The following USP34 variants were observed in gnomAD, a reference collection of about 807,000 sequenced individuals.
USP34 encodes ubiquitin specific peptidase 34, also known as ubiquitin carboxyl-terminal hydrolase 34.
A neutral mutation model predicts 460.3 loss-of-function variants in USP34; 70 were observed. The observed-to-expected ratio is 0.15, with a 90% CI of 0.13 to 0.19. The LOEUF is 0.19. USP34 is among the 10% of genes least tolerant of loss of function. The probability of loss-of-function intolerance (pLI) is 1.00; values close to 1 mark genes in which losing one functional copy is unlikely to be tolerated. For synonymous variants in USP34, 1,647 were observed against 1,405.3 expected, an observed-to-expected ratio of 1.17 and a Z score of -3.85; for missense variants, 3,985 against 4,236.2, an observed-to-expected ratio of 0.94 and a Z score of 1.65.
chr2:61,434,770 G>GGGC (rs1553390577), intron 1 of USP34, among the ~76,000 whole-genome samples: 1 of 150,486 alleles, frequency 6.6e-6, no homozygotes, highest in East Asian at 1.9e-4. Context: ...AAATTGAAAG[G>GGGC]GGGGGGGTTC....
At chr2:61,256,980 A>G in intron 46 of USP34, 30 bp from the exon 47 acceptor site, 1 of 1,438,372 alleles carries the variant, frequency 7.0e-7, no homozygotes. Context: ...AATTAATAAA[A>G]ACTAGTAAAT....
intron 21 of USP34, among the ~76,000 whole-genome samples, chr2:61,320,078 A>C (rs1033556895): frequency 2.6e-5 from 4 of 152,212 alleles, no homozygotes; most frequent in African/African-American, 9.6e-5. Context: ...GTTTAAACAC[A>C]AACAATAACA....
chr2:61,385,054 T>C (rs908217752), intron 5 of USP34, among the ~76,000 whole-genome samples: 2 of 152,136 alleles, frequency 1.3e-5, no homozygotes, highest in African/African-American at 4.8e-5. Flanking sequence ...CACCTATCTA[T>C]ACATACACAC....
chr2:61,423,971 C>T (rs577471194), intron 1 of USP34, among the ~76,000 whole-genome samples: 1 of 152,126 alleles, frequency 6.6e-6, no homozygotes, highest in South Asian at 2.1e-4. Context: ...AAACAAACAA[C>T]AAAATAAATA....
intron 48 of USP34, among the ~76,000 whole-genome samples, chr2:61,251,569 T>C (rs1429099435): frequency 1.3e-5 from 2 of 152,248 alleles, no homozygotes; most frequent in Non-Finnish European, 2.9e-5. Context: ...CCTCTGATTA[T>C]TAGGTAACCA....
chr2:61,349,441 T>C (rs975774042), intron 12 of USP34, among the ~76,000 whole-genome samples, 156 bp from the exon 13 acceptor site: 1 of 151,930 alleles, frequency 6.6e-6, no homozygotes. Context: ...TTGTTGGGGG[T>C]GCCTGCACAG....
chr2:61,376,893 C>T (rs1393785107), intron 8 of USP34, among the ~76,000 whole-genome samples: 2 of 152,254 alleles, frequency 1.3e-5, no homozygotes, highest in South Asian at 2.1e-4. Context: ...ATCTGCCCGC[C>T]TCAGCCTCCC....
At chr2:61,399,006 A>T (rs1022943908) in intron 3 of USP34, among the ~76,000 whole-genome samples, 2 of 152,136 alleles carry the variant, frequency 1.3e-5, no homozygotes, top group African/African-American at 4.8e-5. Context: ...GACCAGGTGA[A>T]CCATGCTAGA....
rs748508517 is a variant in USP34 at position 61,265,938 on chromosome 2, C to T, written c.5617+46G>A. 4 of 1,483,582 alleles carry T rather than the reference C, an allele frequency of 2.7e-6. No individual in the cohort carries two copies. In the African/African-American group the frequency reaches 5.6e-5, roughly 21 times the overall value. The allele number at this position is 1,483,582 out of a possible 1,614,324, so 91.9% of individuals were successfully genotyped here. ...AAACAGTGCCCTCAAAATCTTATTT[C>T]TGAATTCAAAATCTATAAAGATTAA... On this transcript the variant is annotated intron_variant, in intron 42 of 79. Transcript: ENST00000398571.
intron 78 of USP34, 185 bp downstream of exon 78, chr2:61,190,086 G>C (rs1686585655): frequency 3.3e-6 from 2 of 603,206 alleles, no homozygotes; most frequent in Non-Finnish European, 5.3e-6. Context: ...CTTCCAAGGT[G>C]ATAGAGTGTG....
intron 1 of USP34, among the ~76,000 whole-genome samples, chr2:61,428,161 G>A (rs1400188693): frequency 7.7e-5 from 9 of 117,028 alleles, no homozygotes; most frequent in African/African-American, 2.2e-4. Flanking sequence ...GCAAAACTCC[G>A]TCACAAAAAA....
chr2:61,272,435 G>A (rs1234508571), intron 41 of USP34, among the ~76,000 whole-genome samples: 1 of 149,332 alleles, frequency 6.7e-6, no homozygotes, highest in Non-Finnish European at 1.5e-5. Context: ...AAAAAAATTA[G>A]GAGTCATTCT....
Position 61,243,307 on chromosome 2 carries a change from C to A in USP34, c.6628-1488G>T, listed in dbSNP as rs375031263. The stretch of plus-strand genomic sequence containing the variant: ...GACTACAGGCACCCGCCACCACGCC[C>A]GGCTAATTTTTACATTTTTAGTGGA... On this transcript the variant is annotated intron_variant, in intron 51 of 79. Coordinates refer to ENST00000398571, the MANE Select transcript of USP34 (RefSeq NM_014709.4). 6.6e-5 allele frequency among the ~76,000 whole-genome samples: 10 copies of A among 152,132 alleles called. 1 individual carries two copies. In the East Asian group the frequency reaches 1.9e-3, roughly 30 times the overall value.
chr2:61,370,236 C>T (rs1692578316), intron 10 of USP34, 85 bp downstream of exon 10: 4 of 1,395,208 alleles, frequency 2.9e-6, no homozygotes, highest in Non-Finnish European at 4.0e-6. Context: ...AGCTATAAAA[C>T]AGGATAATAG....
chr2:61,350,276 G>T lies in USP34; in HGVS notation c.1491C>A (p.Pro497=). ...ATTACTAACCTTTCTTATTTCCAAT[G>T]GGAATATTAGTATTTAATAAAGATG... The part of the protein sequence containing the change: ...SFASLLNTNI[P]IGNKKEEEEL... The change falls in exon 12 of 80, where the codon CCC becomes CCA. Residue 497 remains proline, a synonymous_variant. Coordinates refer to ENST00000398571, the MANE Select transcript of USP34 (RefSeq NM_014709.4). The T allele has an allele frequency of 1.2e-6, 2 of 1,603,258 alleles. No individual in the cohort carries two copies. The highest frequency in any genetic ancestry group is 1.7e-5 in the Admixed American group (1 of 57,856).
In USP34 at chr2:61,281,129, C is replaced by T. The variant is rs963363462; in HGVS notation, c.5112G>A (p.Leu1704=). 1 of 1,613,656 alleles carries T rather than the reference C, an allele frequency of 6.2e-7. No individual in the cohort carries two copies. The highest frequency in any genetic ancestry group is 8.5e-7 in the Non-Finnish European group (1 of 1,179,820). Residue 1704 remains leucine (L), a synonymous_variant, in exon 38 of 80, where the codon TTG becomes TTA. Transcript: ENST00000398571. The part of the protein sequence containing the change: ...SFLLLAASTL[L]KFLPDAQALK... ...GTGCTTGAGCATCAGGAAGAAATTT[C>T]AATAATGTTGAGGCAGCCAATAGCA...
At chr2:61,358,726 A>C (rs1692182254) in intron 10 of USP34, among the ~76,000 whole-genome samples, 1 of 152,202 alleles carries the variant, frequency 6.6e-6, no homozygotes, top group Non-Finnish European at 1.5e-5. Context: ...AATCCTAAAG[A>C]ATCCACAGGA....
chr2:61,409,310 G>A (rs1388549859), intron 2 of USP34, among the ~76,000 whole-genome samples: 1 of 152,198 alleles, frequency 6.6e-6, no homozygotes, highest in Non-Finnish European at 1.5e-5. Context: ...ACTTTGGGAG[G>A]CTGAGGCAGG....
At position 61,272,652 on chromosome 2, in the gene USP34, C is replaced by T. The variant is rs560506065; in HGVS notation, c.5433+5513G>A. Among the ~76,000 whole-genome samples, 41 of 152,246 alleles carry T rather than the reference C, an allele frequency of 2.7e-4. 1 individual carries two copies. In the South Asian group the frequency reaches 8.3e-3, roughly 31 times the overall value. The stretch of plus-strand genomic sequence containing the variant: ...TTTCCAACTAGCATACGAGTAAACC[C>T]TCTGAAATGTTAATTCAGATCACAT... On this transcript the variant is annotated intron_variant, in intron 41 of 79. Transcript: ENST00000398571.
Sources: gnomAD v4.1 joint callset for allele counts (sites outside exome capture counted in the v4.1 genomes callset) on GRCh38, gnomAD v4.1.1 for gene constraint, MANE v1.5 for transcripts, NCBI Gene and HGNC (gene_info 2026-07-23, HGNC 2026-07-21) for gene names.